The following DENND4C variants were observed in gnomAD, a reference collection of about 807,000 sequenced individuals.
DENND4C encodes the protein DENN domain containing 4C.
Under a neutral mutation model 203.0 loss-of-function variants are expected in DENND4C, and 108 were observed. The observed-to-expected ratio is 0.53, with a 90% CI of 0.46 to 0.62. The LOEUF is 0.62. Among genes scored for constraint, DENND4C ranks in the 20% least tolerant of loss-of-function variants. The pLI is 0.00. For synonymous variants in DENND4C, 871 were observed against 792.4 expected, an observed-to-expected ratio of 1.10 and a Z score of -1.67; for missense variants, 2,481 against 2,301.2, an observed-to-expected ratio of 1.08 and a Z score of -1.60.
intron 1 of DENND4C, among the ~76,000 whole-genome samples, chr9:19,241,877 T>C (rs1229572758): frequency 1.4e-5 from 2 of 143,096 alleles, no homozygotes; most frequent in Non-Finnish European, 3.0e-5. Context: ...GTAGAAGGAG[T>C]GCACTCAAAT....
In DENND4C at chr9:19,290,817, A is replaced by G. The variant is rs1295876553; in HGVS notation, c.742A>G (p.Thr248Ala). ...TACTATTGAGTGCTGGGATCCTGAA[A>G]CCAAATATCCACTTCCAGTTTTTTC... ...GATIECWDPE[T>A]KYPLPVFSTF... The change falls in exon 5 of 33, where the codon ACC becomes GCC. Residue 248 changes from threonine (T) to alanine (A), a missense_variant. Around this residue, in one of 3 missense-constraint regions of DENND4C, gnomAD observed 2,289 missense variants for 2,113.3 expected, o/e 1.08. Coordinates refer to ENST00000434457, the MANE Select transcript of DENND4C (RefSeq NM_001330640.2). 1 of 1,613,604 alleles carries G rather than the reference A, an allele frequency of 6.2e-7. No individual in the cohort carries two copies. Among genetic ancestry groups the G allele is most frequent in the African/African-American group, 1.3e-5 (1 of 75,014 alleles).
intron 1 of DENND4C, among the ~76,000 whole-genome samples, chr9:19,264,507 A>T (rs188852454): frequency 6.6e-6 from 1 of 151,652 alleles, no homozygotes; most frequent in Non-Finnish European, 1.5e-5. Context: ...GGGTTTCACT[A>T]TGTTGGCCAG....
chr9:19,374,064 A>G lies in DENND4C; in HGVS notation c.*1891A>G, dbSNP rs181946148. 3.0e-3 allele frequency among the ~76,000 whole-genome samples: 463 copies of G among 152,242 alleles called. No homozygotes were observed. The highest frequency in any genetic ancestry group is 3.6e-3 in the Non-Finnish European group (246 of 68,030). On this transcript the variant is annotated 3_prime_UTR_variant, in exon 33 of 33. Coordinates refer to ENST00000434457, the MANE Select transcript of DENND4C (RefSeq NM_001330640.2). Reference sequence around the variant, plus strand: ...TAGTTTTAATACTTAACACTTACTGACCCAACAGAAGTTTGGAATTACCTT... The same window carrying G: ...TAGTTTTAATACTTAACACTTACTGGCCCAACAGAAGTTTGGAATTACCTT...
At position 19,346,712 on chromosome 9, in the gene DENND4C, A is replaced by G. The variant is rs17818730; in HGVS notation, c.3943A>G (p.Thr1315Ala). 125,444 of 1,614,086 alleles carry G rather than the reference A, an allele frequency of 0.078. 5,766 individuals carry two copies. The highest frequency in any genetic ancestry group is 0.16 in the Admixed American group (9,504 of 60,020). Reference protein sequence around the residue: ...HREENRESGMTTAFIHALERR... With the variant: ...HREENRESGMATAFIHALERR... ...AGAGGAAAACAGAGAGTCTGGCATG[A>G]CTACTGCATTTATTCATGCTCTAGA... Residue 1315 changes from threonine to alanine, a missense_variant, in exon 23 of 33, where the codon ACT becomes GCT. Physicochemically the swap from Thr to Ala is moderately conservative, Grantham distance 58. Around this residue, in one of 3 missense-constraint regions of DENND4C, gnomAD observed 2,289 missense variants for 2,113.3 expected, o/e 1.08. Transcript: ENST00000434457.
At chr9:19,353,307 T>A (rs940235164) in intron 26 of DENND4C, among the ~76,000 whole-genome samples, 7 of 152,150 alleles carry the variant, frequency 4.6e-5, no homozygotes, top group African/African-American at 1.7e-4. Flanking sequence ...CAAATTGAAC[T>A]TTTTATTTCC....
At chr9:19,355,671 G>T (rs1373242979) in intron 26 of DENND4C, among the ~76,000 whole-genome samples, 1 of 151,916 alleles carries the variant, frequency 6.6e-6, no homozygotes, top group Non-Finnish European at 1.5e-5. Flanking sequence ...TCCTTGTGTT[G>T]TATCTCTGGT....
At chr9:19,331,928 T>G in intron 16 of DENND4C, 50 bp from the exon 17 acceptor site, 1 of 1,504,322 alleles carries the variant, frequency 6.6e-7, no homozygotes, top group East Asian at 2.4e-5. Flanking sequence ...ACTTCTCCCC[T>G]CACCCTAATG....
chr9:19,345,280 A>G (rs1280848367), intron 22 of DENND4C, among the ~76,000 whole-genome samples: 2 of 152,206 alleles, frequency 1.3e-5, no homozygotes, highest in Non-Finnish European at 2.9e-5. Flanking sequence ...ACCTGATCAA[A>G]TAAGACTGAC....
chr9:19,335,700 C>G (rs781203935), intron 18 of DENND4C, among the ~76,000 whole-genome samples: 41 of 152,054 alleles, frequency 2.7e-4, no homozygotes, highest in Non-Finnish European at 5.1e-4. Flanking sequence ...TTTTTTATTT[C>G]AGGCTGAATA....
At chr9:19,336,127 AT>A in intron 18 of DENND4C, 142 bp from the exon 19 acceptor site, 1 of 665,904 alleles carries the variant, frequency 1.5e-6, no homozygotes, top group Non-Finnish European at 2.2e-6. Flanking sequence ...AATGTTTAGC[AT>A]TTTTTAATAT....
rs1588705562 is a variant in DENND4C, at chr9:19,236,719, C to T, written c.-18+5886C>T. Among the ~76,000 whole-genome samples the T allele has an allele frequency of 3.3e-5, 5 of 152,258 alleles. No homozygotes were observed. In the South Asian group the frequency reaches 1.0e-3, roughly 32 times the overall value. ...TAATGGATAGACTTGAGAACTGTTA[C>T]ATAATACAAACATTTCCTGTGGCCC... On this transcript the variant is annotated intron_variant, in intron 1 of 32. Coordinates refer to ENST00000434457, the MANE Select transcript of DENND4C (RefSeq NM_001330640.2).
chr9:19,337,116 G>A (rs893112668), intron 20 of DENND4C, among the ~76,000 whole-genome samples: 4 of 152,050 alleles, frequency 2.6e-5, no homozygotes, highest in African/African-American at 9.7e-5. Context: ...CATGAGCTAA[G>A]GAACTTGAAA....
At chr9:19,234,054 C>T (rs191048297) in intron 1 of DENND4C, among the ~76,000 whole-genome samples, 3 of 152,172 alleles carry the variant, frequency 2.0e-5, no homozygotes, top group East Asian at 1.9e-4. Context: ...GTGTATAATT[C>T]CGTGATTAAT....
In DENND4C at chr9:19,361,893, G is replaced by C. The variant is rs1588988746; in HGVS notation, c.5454G>C (p.Gln1818His). 6 of 1,612,810 alleles carry C rather than the reference G, an allele frequency of 3.7e-6. No individual in the cohort carries two copies. The East Asian group carries it at 1.3e-4, about 36-fold the overall frequency. The change falls in exon 30 of 33, where the codon CAG becomes CAC. Residue 1818 changes from glutamine to histidine, a missense_variant. Gln to His is a conservative substitution (Grantham distance 24). Coordinates refer to ENST00000434457, the MANE Select transcript of DENND4C (RefSeq NM_001330640.2). Reference protein sequence around the residue: ...LSQDSKLVYIQLLWDNINLHQ... With the variant: ...LSQDSKLVYIHLLWDNINLHQ... ...AGGATAGCAAACTTGTGTATATTCA[G>C]CTGTTATGGGATAATATCAACCTTC... is the stretch of plus-strand genomic sequence containing the variant.
At chr9:19,235,540 CTTTG>C (rs1009596993) in intron 1 of DENND4C, among the ~76,000 whole-genome samples, 1 of 147,678 alleles carries the variant, frequency 6.8e-6, no homozygotes, top group Non-Finnish European at 1.5e-5. Context: ...TTGAAGTGTT[CTTTG>C]TTTCATTCAA....
At chr9:19,353,127 T>C (rs1186109790) in intron 26 of DENND4C, among the ~76,000 whole-genome samples, 1 of 152,142 alleles carries the variant, frequency 6.6e-6, no homozygotes, top group African/African-American at 2.4e-5. Flanking sequence ...GCTTCAACTC[T>C]TCTCTTGTCA....
chr9:19,323,020 G>A (rs1280851522), intron 12 of DENND4C, among the ~76,000 whole-genome samples: 1 of 152,116 alleles, frequency 6.6e-6, no homozygotes, highest in Non-Finnish European at 1.5e-5. Context: ...ATCAAGGAAT[G>A]AAGGCTGGGC....
chr9:19,362,912 A>T (rs2132242147), intron 30 of DENND4C, among the ~76,000 whole-genome samples: 1 of 152,372 alleles, frequency 6.6e-6, no homozygotes, highest in East Asian at 1.9e-4. Flanking sequence ...AATGATATTA[A>T]TAGGTAATTC....
intron 22 of DENND4C, 89 bp from the exon 23 acceptor site, chr9:19,345,832 C>G: frequency 1.7e-6 from 2 of 1,207,520 alleles, no homozygotes; most frequent in Non-Finnish European, 1.1e-6. Flanking sequence ...GAGTATATGT[C>G]ACATTCATAA....
Sources: gnomAD v4.1 joint callset for allele counts (sites outside exome capture counted in the v4.1 genomes callset) on GRCh38, gnomAD v4.1.1 for gene constraint, gnomAD v4.1.1 regional missense constraint, MANE v1.5 for transcripts, NCBI Gene and HGNC (gene_info 2026-07-23, HGNC 2026-07-21) for gene names.